Variants in NCOA3 observed in about 807,000 individuals in gnomAD.
NCOA3 encodes the protein nuclear receptor coactivator 3, also known as CBP-interacting protein.
A neutral mutation model predicts 158.8 loss-of-function variants in NCOA3; 51 were observed. The observed-to-expected ratio is 0.32, with a 90% confidence interval of 0.26 to 0.41. NCOA3 has a LOEUF of 0.41. NCOA3 is among the 10% of genes least tolerant of loss of function. NCOA3 has a pLI of 1.00. For synonymous variants in NCOA3, 537 were observed against 592.4 expected (o/e 0.91, Z 1.36); for missense variants, 1,510 against 1,746.6 (o/e 0.86, Z 2.41).
chr20:47,597,024 A>T (rs2085767809), intron 2 of NCOA3, among the ~76,000 whole-genome samples: 1 of 152,224 alleles, frequency 6.6e-6, no homozygotes, highest in Non-Finnish European at 1.5e-5. Context: ...TGATTTCAAA[A>T]AACCAACTTT....
chr20:47,541,225 G>GA (rs1352201482), intron 1 of NCOA3, among the ~76,000 whole-genome samples: 1 of 151,674 alleles, frequency 6.6e-6, no homozygotes, highest in Non-Finnish European at 1.5e-5. Flanking sequence ...AGTCATTGCC[G>GA]AGGTCACTTT....
chr20:47,502,211 G>A lies in NCOA3; in HGVS notation c.-99+192G>A, dbSNP rs552132892. Among the ~76,000 whole-genome samples, 520 of 151,920 alleles carry A rather than the reference G, an allele frequency of 3.4e-3. 3 individuals are homozygous for A. Among genetic ancestry groups the A allele is most frequent in the African/African-American group, 0.012 (500 of 41,444 alleles). ...GGGCCGCGCCGCTTCCCCTCAGCCC[G>A]GGGGGCGGCCCGCGGCGGTAGGAGC... On this transcript the variant is annotated intron_variant, in intron 1 of 22. Transcript: ENST00000371998.
chr20:47,636,583 G>C lies in NCOA3; in HGVS notation c.2197G>C (p.Glu733Gln). ...KQEQLSPKKK[E>Q]NNALLRYLLD... ...GGAGCAGCTAAGTCCTAAGAAGAAG[G>C]AGAATAATGCACTTCTTAGATACCT... The change falls in exon 12 of 23, where the codon GAG (glutamate) becomes CAG (glutamine). Residue 733 changes from glutamate (E) to glutamine (Q), a missense_variant. By Grantham distance (29) the Glu-to-Gln change is conservative. This residue lies in a region of NCOA3 where 1,017 missense variants were observed against 1,098.3 expected (regional missense o/e 0.93). Transcript: ENST00000371998. 1 of 1,614,188 alleles carries C rather than the reference G, an allele frequency of 6.2e-7. No individual in the cohort carries two copies. Among genetic ancestry groups the C allele is most frequent in the Non-Finnish European group, 8.5e-7 (1 of 1,180,032 alleles).
intron 17 of NCOA3, among the ~76,000 whole-genome samples, chr20:47,644,859 G>A (rs554984724): frequency 6.6e-6 from 1 of 152,096 alleles, no homozygotes; most frequent in South Asian, 2.1e-4. Context: ...CACCACGCCC[G>A]GCTTTTTTTT....
At chr20:47,517,133 G>A (rs547020902) in intron 1 of NCOA3, among the ~76,000 whole-genome samples, 1 of 152,262 alleles carries the variant, frequency 6.6e-6, no homozygotes, top group East Asian at 1.9e-4. Flanking sequence ...CAGGAGAATT[G>A]CTTGAACCTT....
chr20:47,544,400 T>C (rs1008644039), intron 1 of NCOA3, among the ~76,000 whole-genome samples: 1 of 150,174 alleles, frequency 6.7e-6, no homozygotes, highest in Non-Finnish European at 1.5e-5. Flanking sequence ...CATGGTTCAC[T>C]GCAGCCTCAA....
At chr20:47,510,598 A>G (rs887316180) in intron 1 of NCOA3, among the ~76,000 whole-genome samples, 27 of 151,876 alleles carry the variant, frequency 1.8e-4, no homozygotes, top group African/African-American at 6.5e-4. Context: ...ACTTTTAAAA[A>G]TTAATTCAAT....
intron 1 of NCOA3, among the ~76,000 whole-genome samples, chr20:47,542,663 C>T (rs375271377): frequency 2.6e-5 from 4 of 152,042 alleles, no homozygotes; most frequent in Non-Finnish European, 5.9e-5. Flanking sequence ...CTAGGCAAGA[C>T]CCTCTCTCTA....
chr20:47,622,385 A>T (rs1237756443), intron 3 of NCOA3, 55 bp downstream of exon 3: 1 of 1,206,932 alleles, frequency 8.3e-7, no homozygotes, highest in Non-Finnish European at 1.2e-6. Flanking sequence ...TTGTTTAAGG[A>T]TAACATTTTA....
chr20:47,510,821 G>A (rs1457889175), intron 1 of NCOA3, among the ~76,000 whole-genome samples: 8 of 152,062 alleles, frequency 5.3e-5, no homozygotes, highest in African/African-American at 1.2e-4. Flanking sequence ...GGGATCAAGC[G>A]ATCCTTCTGC....
At chr20:47,545,466 T>C (rs2084813347) in intron 1 of NCOA3, among the ~76,000 whole-genome samples, 1 of 152,118 alleles carries the variant, frequency 6.6e-6, no homozygotes. Context: ...CGTGAGCCAC[T>C]GCGCCTGGCC....
At chr20:47,562,880 A>C (rs1460117367) in intron 1 of NCOA3, among the ~76,000 whole-genome samples, 2 of 152,134 alleles carry the variant, frequency 1.3e-5, no homozygotes, top group African/African-American at 2.4e-5. Context: ...ACTTTTAATA[A>C]TATTTTAGAG....
Position 47,637,759 on chromosome 20 carries a change from G to T in NCOA3, c.2488G>T (p.Val830Leu). 1 of 1,602,344 alleles carries T rather than the reference G, an allele frequency of 6.2e-7. No homozygotes were observed. Among genetic ancestry groups the T allele is most frequent in the African/African-American group, 1.4e-5 (1 of 73,660 alleles). Residue 830 changes from valine (V) to leucine (L), a missense_variant, in exon 13 of 23, where the codon GTG becomes TTG. By Grantham distance (32) the Val-to-Leu change is conservative. Coordinates refer to ENST00000371998, the MANE Select transcript of NCOA3 (RefSeq NM_181659.3). ...NGSHLGTKQQVFQGTNSLGLK... is the reference protein window; with the variant it reads ...NGSHLGTKQQLFQGTNSLGLK... Reference sequence around the variant, plus strand: ...TAGTCATCTGGGGACTAAGCAACAGGTGTTTCAAGGAACTAATTCTCTGGG... The same window carrying T: ...TAGTCATCTGGGGACTAAGCAACAGTTGTTTCAAGGAACTAATTCTCTGGG...
chr20:47,642,246 T>C lies in NCOA3; in HGVS notation c.3114T>C (p.Val1038=). The change falls in exon 17 of 23, where the codon GTT becomes GTC. Residue 1038 remains valine, a synonymous_variant. Transcript: ENST00000371998. The part of the protein sequence containing the change: ...PLLRNSLDDL[V]GPPSNLEGQS... ...TTAGGAATTCCCTGGATGATCTTGT[T>C]GGGCCACCTTCCAACCTGGAAGGCC... 6.2e-7 allele frequency: 1 copy of C among 1,606,516 alleles called. No individual in the cohort carries two copies.
rs1009670232 is a variant in NCOA3 at position 47,652,815 on chromosome 20, TAAC to T, written c.4122-114_4122-112del. 5.2e-4 allele frequency: 664 copies of T among 1,270,276 alleles called. 5 individuals are homozygous for T. Among genetic ancestry groups the T allele is most frequent in the Middle Eastern group, 9.6e-4 (5 of 5,198 alleles). The allele number at this position is 1,270,276 out of a possible 1,614,324, so 78.7% of individuals were successfully genotyped here. A position where few individuals can be genotyped will look rare whatever the true frequency, so the allele number is the denominator to read the frequency against. The stretch of plus-strand genomic sequence containing the variant: ...TCACAGGCTGTCAGGGAGTTTTCTC[TAAC>T]ATTCCCAGCTTAAGTATAGCAATGT... On this transcript the variant is annotated intron_variant, in intron 21 of 22. Transcript: ENST00000371998.
chr20:47,589,884 A>G (rs1184752661), intron 2 of NCOA3, among the ~76,000 whole-genome samples: 1 of 146,644 alleles, frequency 6.8e-6, no homozygotes, highest in African/African-American at 2.4e-5. Flanking sequence ...AAGAACAGGT[A>G]CCAGGCCCAT....
chr20:47,524,652 G>T (rs1212492601), intron 1 of NCOA3, among the ~76,000 whole-genome samples: 1 of 152,238 alleles, frequency 6.6e-6, no homozygotes, highest in East Asian at 1.9e-4. Flanking sequence ...CCCTGGTACA[G>T]AGACAGAGGG....
intron 1 of NCOA3, among the ~76,000 whole-genome samples, chr20:47,546,194 A>G (rs2084824814): frequency 6.6e-6 from 1 of 152,074 alleles, no homozygotes; most frequent in African/African-American, 2.4e-5. Flanking sequence ...ATTGTTGGTA[A>G]TTCATTCTTG....
At position 47,639,984 on chromosome 20, in the gene NCOA3, A is replaced by C; in HGVS notation, c.3013A>C (p.Asn1005His). 1 of 1,614,238 alleles carries C rather than the reference A, an allele frequency of 6.2e-7. No individual in the cohort carries two copies. The highest frequency in any genetic ancestry group is 8.5e-7 in the Non-Finnish European group (1 of 1,180,040). ...ANPYGQAAAS[N>H]QLGSWPDGML... is the part of the protein sequence containing the mutation. ...TCCCTATGGCCAAGCAGCAGCATCT[A>C]ACCAACTGGGTTCCTGGCCCGATGG... The change falls in exon 16 of 23, where the codon AAC (asparagine) becomes CAC (histidine). Residue 1005 changes from asparagine to histidine, a missense_variant. Asn to His is a moderately conservative substitution (Grantham distance 68, BLOSUM62 1). This residue lies in a region of NCOA3 where 1,017 missense variants were observed against 1,098.3 expected (regional missense o/e 0.93). Coordinates refer to ENST00000371998, the MANE Select transcript of NCOA3 (RefSeq NM_181659.3).
Sources: gnomAD v4.1 joint callset for allele counts (sites outside exome capture counted in the v4.1 genomes callset) on GRCh38, gnomAD v4.1.1 for gene constraint, gnomAD v4.1.1 regional missense constraint, MANE v1.5 for transcripts, NCBI Gene and HGNC (gene_info 2026-07-23, HGNC 2026-07-21) for gene names.